Variants in MYO3A observed in about 807,000 individuals in gnomAD.
The protein encoded by MYO3A is myosin IIIA.
MYO3A carries 180 observed loss-of-function variants against 192.7 expected under a neutral mutation model. That is an observed-to-expected ratio of 0.93 (90% CI 0.83 to 1.06). The LOEUF (loss-of-function observed/expected upper bound fraction) is 1.06, where lower values mean the gene tolerates loss of function less well. Ranked by LOEUF, MYO3A falls within the 50% of genes least tolerant of loss-of-function variation. The pLI is 0.00. For synonymous variants in MYO3A, 628 were observed against 645.3 expected, an observed-to-expected ratio of 0.97 and a Z score of 0.41; for missense variants, 1,896 against 1,905.0, an observed-to-expected ratio of 1.00 and a Z score of 0.09.
chr10:25,939,698 T>C (rs1836349344), intron 2 of MYO3A, among the ~76,000 whole-genome samples: 2 of 152,020 alleles, frequency 1.3e-5, no homozygotes, highest in African/African-American at 4.8e-5. Context: ...CTATTCTTTT[T>C]TGTATGTAGG....
intron 20 of MYO3A, among the ~76,000 whole-genome samples, chr10:26,137,490 T>C (rs1839919370): frequency 6.6e-6 from 1 of 152,236 alleles, no homozygotes; most frequent in African/African-American, 2.4e-5. Flanking sequence ...AATAATTGTG[T>C]TGACTGTACA....
At chr10:26,084,840 G>T (rs1298369481) in intron 14 of MYO3A, among the ~76,000 whole-genome samples, 5 of 152,122 alleles carry the variant, frequency 3.3e-5, no homozygotes, top group Non-Finnish European at 2.9e-5. Flanking sequence ...AAGAAGTATT[G>T]GTATTGATTT....
At chr10:25,961,468 T>C (rs1249821148) in intron 4 of MYO3A, among the ~76,000 whole-genome samples, 1 of 152,150 alleles carries the variant, frequency 6.6e-6, no homozygotes, top group Non-Finnish European at 1.5e-5. Context: ...AACATCCAGA[T>C]ATAATGAATC....
chr10:26,107,996 T>A (rs184678133), intron 17 of MYO3A, among the ~76,000 whole-genome samples: 2 of 152,324 alleles, frequency 1.3e-5, no homozygotes. Flanking sequence ...TGTTATTGAA[T>A]AATGAAAGCA....
intron 2 of MYO3A, among the ~76,000 whole-genome samples, chr10:25,942,790 GTT>G (rs36039788): frequency 0.48 from 69,782 of 145,372 alleles, 17,466 homozygotes; most frequent in Middle Eastern, 0.66. Context: ...TTTTAATTGG[GTT>G]TTTTTTTTTT....
intron 31 of MYO3A, among the ~76,000 whole-genome samples, chr10:26,183,135 C>A (rs907641619): frequency 2.0e-5 from 3 of 152,180 alleles, no homozygotes; most frequent in African/African-American, 7.2e-5. Context: ...GTCTCACCCC[C>A]CACACAGGCT....
At chr10:26,050,063 AT>A (rs1843897809) in intron 10 of MYO3A, among the ~76,000 whole-genome samples, 1 of 152,068 alleles carries the variant, frequency 6.6e-6, no homozygotes, top group South Asian at 2.1e-4. Context: ...TGTAAAAGAA[AT>A]GTCTTTTTAG....
intron 10 of MYO3A, among the ~76,000 whole-genome samples, chr10:26,035,272 GGC>G: frequency 6.6e-6 from 1 of 152,252 alleles, no homozygotes; most frequent in East Asian, 1.9e-4. Context: ...AAAACTAAAT[GGC>G]TTTTTAACGT....
chr10:26,057,031 G>A (rs1834151024), intron 10 of MYO3A, among the ~76,000 whole-genome samples: 1 of 152,122 alleles, frequency 6.6e-6, no homozygotes, highest in Non-Finnish European at 1.5e-5. Flanking sequence ...AAAGTTAAAG[G>A]ACACAGAGGA....
At chr10:26,209,553 A>G (rs1475914539) in intron 34 of MYO3A, among the ~76,000 whole-genome samples, 4 of 152,156 alleles carry the variant, frequency 2.6e-5, no homozygotes, top group African/African-American at 9.7e-5. Flanking sequence ...GCCTCTGCCA[A>G]GGTTAACAGT....
intron 32 of MYO3A, among the ~76,000 whole-genome samples, chr10:26,193,933 G>A (rs1010418514): frequency 1.3e-5 from 2 of 152,024 alleles, no homozygotes; most frequent in Non-Finnish European, 2.9e-5. Flanking sequence ...GCCCCTGATC[G>A]CCTGGCCTTC....
intron 15 of MYO3A, among the ~76,000 whole-genome samples, chr10:26,095,309 C>T (rs1219355826): frequency 6.6e-6 from 1 of 152,114 alleles, no homozygotes; most frequent in Non-Finnish European, 1.5e-5. Context: ...TAAAAGGAAT[C>T]CTACTCTGCC....
At chr10:26,005,807 T>G (rs1284311979) in intron 6 of MYO3A, among the ~76,000 whole-genome samples, 1 of 152,094 alleles carries the variant, frequency 6.6e-6, no homozygotes, top group Non-Finnish European at 1.5e-5. Flanking sequence ...GGGAAACCAT[T>G]TTAAAAGCTG....
chr10:25,994,774 A>G (rs1840310494), intron 4 of MYO3A, among the ~76,000 whole-genome samples: 1 of 152,174 alleles, frequency 6.6e-6, no homozygotes, highest in African/African-American at 2.4e-5. Flanking sequence ...TATGAAGCTT[A>G]ATTTGGCTGG....
chr10:26,078,100 A>C (rs1259144929), intron 14 of MYO3A, among the ~76,000 whole-genome samples: 2 of 148,830 alleles, frequency 1.3e-5, no homozygotes, highest in Non-Finnish European at 3.0e-5. Flanking sequence ...TGTCTGGTAG[A>C]ATTCTGCTGT....
chr10:26,200,267 G>GA (rs1382174665), intron 32 of MYO3A, among the ~76,000 whole-genome samples: 16 of 151,152 alleles, frequency 1.1e-4, no homozygotes, highest in Admixed American at 1.1e-3. Context: ...GATAAATCCT[G>GA]AAAAAAACGT....
chr10:25,990,816 C>T (rs1410714854), intron 4 of MYO3A, among the ~76,000 whole-genome samples: 1 of 149,036 alleles, frequency 6.7e-6, no homozygotes, highest in African/African-American at 2.4e-5. Context: ...CCATCTTCAT[C>T]CATGTCCCTA....
Position 26,096,624 on chromosome 10 carries a change from A to G in MYO3A, c.1718A>G (p.Tyr573Cys), listed in dbSNP as rs755253980. 15 of 1,607,220 alleles carry G rather than the reference A, an allele frequency of 9.3e-6. No homozygotes were observed. The East Asian group carries it at 3.1e-4, about 34-fold the overall frequency. The change falls in exon 17 of 35, where the codon TAT becomes TGT. Residue 573 changes from tyrosine to cysteine, a missense_variant. By Grantham distance (194) the Tyr-to-Cys change is radical (BLOSUM62 -2). Coordinates refer to ENST00000642920, the MANE Select transcript of MYO3A (RefSeq NM_017433.5). ...CAAGACATCATGAATAATAGTTTCT[A>G]TAAATCCCAGTATGAATTAATTGAG... Reference protein sequence around the residue: ...TVQDIMNNSFYKSQYELIEQC... With the variant: ...TVQDIMNNSFCKSQYELIEQC...
intron 19 of MYO3A, among the ~76,000 whole-genome samples, chr10:26,126,928 T>A (rs1839252683): frequency 1.3e-5 from 2 of 152,194 alleles, no homozygotes; most frequent in Non-Finnish European, 2.9e-5. Flanking sequence ...ATTGAAATAA[T>A]TTAGTTCAAC....
Sources: gnomAD v4.1 joint callset for allele counts (sites outside exome capture counted in the v4.1 genomes callset) on GRCh38, gnomAD v4.1.1 for gene constraint, MANE v1.5 for transcripts, NCBI Gene and HGNC (gene_info 2026-07-23, HGNC 2026-07-21) for gene names.